Variants in GFPT2 observed in about 807,000 individuals in gnomAD.
GFPT2 encodes glutamine--fructose-6-phosphate transaminase 2, also known as glutamine--fructose-6-phosphate aminotransferase [isomerizing] 2.
GFPT2 carries 62 observed loss-of-function variants against 85.6 expected under a neutral mutation model. The observed-to-expected ratio is 0.72, with a 90% CI of 0.59 to 0.90. The LOEUF (loss-of-function observed/expected upper bound fraction) is 0.90, where lower values mean the gene tolerates loss of function less well. GFPT2 is among the 40% of genes least tolerant of loss of function. The pLI, the probability that GFPT2 is intolerant of heterozygous loss-of-function variation, is 0.00. For synonymous variants in GFPT2, 368 were observed against 344.5 expected (o/e 1.07, Z -0.75); for missense variants, 788 against 893.4 (o/e 0.88, Z 1.50).
chr5:180,340,310 G>A (rs1402594281), intron 1 of GFPT2, among the ~76,000 whole-genome samples: 3 of 149,624 alleles, frequency 2.0e-5, no homozygotes, highest in Non-Finnish European at 3.0e-5. Context: ...GGGTTCAAGC[G>A]ATTCTCTTGC....
chr5:180,348,042 T>C (rs1212691695), intron 1 of GFPT2, among the ~76,000 whole-genome samples: 1 of 152,110 alleles, frequency 6.6e-6, no homozygotes, highest in Admixed American at 6.6e-5. Flanking sequence ...AGGTTGGCTC[T>C]GGAAGCTATG....
chr5:180,335,285 G>A (rs1009319830), intron 4 of GFPT2, among the ~76,000 whole-genome samples: 2 of 152,162 alleles, frequency 1.3e-5, no homozygotes, highest in Non-Finnish European at 2.9e-5. Context: ...TTCGGGCTGC[G>A]GCCCCTACTT....
At chr5:180,317,499 C>T (rs187618382) in intron 10 of GFPT2, among the ~76,000 whole-genome samples, 5 of 151,664 alleles carry the variant, frequency 3.3e-5, no homozygotes, top group Admixed American at 3.3e-4. Flanking sequence ...GTGGCTCACG[C>T]CTGTAATCCC....
intron 4 of GFPT2, among the ~76,000 whole-genome samples, chr5:180,334,922 C>T (rs1764367416): frequency 6.6e-6 from 1 of 152,234 alleles, no homozygotes; most frequent in Admixed American, 6.5e-5. Flanking sequence ...CCACCAGGAG[C>T]TGCAGACCTA....
chr5:180,350,256 C>T (rs1449567094), intron 1 of GFPT2, among the ~76,000 whole-genome samples: 1 of 152,206 alleles, frequency 6.6e-6, no homozygotes, highest in African/African-American at 2.4e-5. Context: ...GAAATAAGGA[C>T]TCCAGGTTGC....
rs562572910 is a variant in GFPT2 at position 180,310,341 on chromosome 5, G to T, written c.1546+2089C>A. 4.6e-3 allele frequency among the ~76,000 whole-genome samples: 700 copies of T among 151,974 alleles called. 2 individuals are homozygous for T. The highest frequency in any genetic ancestry group is 0.01 in the Middle Eastern group (3 of 294). The stretch of plus-strand genomic sequence containing the variant: ...TGGTCTCGAACTCCTGACCTCAGGC[G>T]ATCTGCCCACCTCGGCCTCCCAAAG... On this transcript the variant is annotated intron_variant, in intron 15 of 18. Transcript: ENST00000253778.
At chr5:180,351,468 A>G (rs1764709369) in intron 1 of GFPT2, among the ~76,000 whole-genome samples, 2 of 152,150 alleles carry the variant, frequency 1.3e-5, no homozygotes, top group Non-Finnish European at 2.9e-5. Flanking sequence ...AATTCTGAGA[A>G]GGCACCTAAG....
intron 15 of GFPT2, among the ~76,000 whole-genome samples, chr5:180,307,839 G>A (rs932170720): frequency 2.0e-5 from 3 of 152,242 alleles, no homozygotes; most frequent in Non-Finnish European, 4.4e-5. Flanking sequence ...AGGACCAGGC[G>A]TGGTGGCTCA....
At position 180,353,274 on chromosome 5, in the gene GFPT2, GGGGCTCCTCCGTGGGCTCCTCCGT is replaced by G. The variant is rs1443457163; in HGVS notation, c.-81_-58del. 5.7e-6 allele frequency: 7 copies of G among 1,231,714 alleles called. No individual in the cohort carries two copies. The highest frequency in any genetic ancestry group is 4.2e-5 in the Admixed American group (1 of 23,674). 76.3% of individuals were successfully genotyped at this position (1,231,714 alleles called of 1,614,324 possible). On this transcript the variant is annotated 5_prime_UTR_variant, in exon 1 of 19. Coordinates refer to ENST00000253778, the MANE Select transcript of GFPT2 (RefSeq NM_005110.4). ...GAGGGGGTCTGCCCGTTCGGACGCT[GGGGCTCCTCCGTGGGCTCCTCCGT>G]GGGCTCCGTGGGCTCCGTGGGCTCC...
intron 9 of GFPT2, among the ~76,000 whole-genome samples, chr5:180,320,982 A>G (rs2042225): frequency 7.1e-5 from 9 of 126,992 alleles, no homozygotes; most frequent in Admixed American, 2.4e-4. Flanking sequence ...GTATAAAAGT[A>G]TACAAATAAC....
At position 180,330,630 on chromosome 5, in the gene GFPT2, G is replaced by T; in HGVS notation, c.534+70C>A. 7.6e-7 allele frequency: 1 copy of T among 1,307,582 alleles called. No homozygotes were observed. The highest frequency in any genetic ancestry group is 1.1e-6 in the Non-Finnish European group (1 of 915,866). The allele number at this position is 1,307,582 out of a possible 1,614,324, so 81.0% of individuals were successfully genotyped here. A position where few individuals can be genotyped will look rare whatever the true frequency, so the allele number is the denominator to read the frequency against. ...AAAAATGAAGGATTCCTTGGCACTT[G>T]CTGCTTGAAAAAAATGTTTTTAATG... On this transcript the variant is annotated intron_variant, in intron 6 of 18. Transcript: ENST00000253778. The surrounding 1 kb of genome is among the most constrained non-coding windows in gnomAD (Gnocchi z 4.4).
chr5:180,302,204 T>C (rs1452443213), intron 18 of GFPT2, among the ~76,000 whole-genome samples: 8 of 151,384 alleles, frequency 5.3e-5, no homozygotes, highest in East Asian at 2.0e-4. Flanking sequence ...GGAGAATCGC[T>C]TGAACCCAGG....
intron 7 of GFPT2, among the ~76,000 whole-genome samples, chr5:180,326,745 C>T (rs1764217466): frequency 1.3e-5 from 2 of 152,176 alleles, no homozygotes; most frequent in South Asian, 2.1e-4. Flanking sequence ...ATGACTCCCC[C>T]AAATTTTATT....
chr5:180,311,388 A>AT (rs1314165641), intron 15 of GFPT2, among the ~76,000 whole-genome samples: 1 of 152,200 alleles, frequency 6.6e-6, no homozygotes, highest in East Asian at 1.9e-4. Context: ...GGTTCTTAAT[A>AT]TATGTGGTGG....
chr5:180,306,160 T>C (rs1763773722), intron 16 of GFPT2, among the ~76,000 whole-genome samples: 1 of 152,074 alleles, frequency 6.6e-6, no homozygotes, highest in Non-Finnish European at 1.5e-5. Flanking sequence ...AGTTTTTGAA[T>C]TTTTGGTAGA....
rs777589155 is a variant in GFPT2 at position 180,313,843 on chromosome 5, G to T, written c.1395C>A (p.Ile465=). 5.0e-6 allele frequency: 8 copies of T among 1,591,752 alleles called. No individual in the cohort carries two copies. The Admixed American group carries it at 6.8e-5, about 14-fold the overall frequency. The change falls in exon 14 of 19, where the codon ATC becomes ATA. Residue 465 remains isoleucine (I), a synonymous_variant. Coordinates refer to ENST00000253778, the MANE Select transcript of GFPT2 (RefSeq NM_005110.4). The part of the protein sequence containing the change: ...ISRETDCGVH[I]NAGPEIGVAS... ...CCACGCCGATCTCCGGCCCTGCGTT[G>T]ATGTGGACGCCGCAGTCGGTCTCGC...
chr5:180,322,105 G>A (rs1764133390), intron 9 of GFPT2, among the ~76,000 whole-genome samples: 2 of 152,150 alleles, frequency 1.3e-5, no homozygotes, highest in African/African-American at 4.8e-5. Flanking sequence ...CTTAATTACA[G>A]CACAGAATTC....
At chr5:180,351,929 G>T (rs1180100884) in intron 1 of GFPT2, among the ~76,000 whole-genome samples, 1 of 152,220 alleles carries the variant, frequency 6.6e-6, no homozygotes, top group Non-Finnish European at 1.5e-5. Flanking sequence ...CAAGGGTCTT[G>T]AATGCTACAC....
At chr5:180,338,451 G>A in intron 2 of GFPT2, 42 bp downstream of exon 2, 1 of 1,115,170 alleles carries the variant, frequency 9.0e-7, no homozygotes, top group South Asian at 1.3e-5. Context: ...CACAGCAGCG[G>A]AGCCCGGTCC....
Sources: allele counts gnomAD v4.1 joint callset (sites outside exome capture counted in the v4.1 genomes callset), GRCh38; gene constraint gnomAD v4.1.1; non-coding constraint Gnocchi (gnomAD v3.1); transcripts MANE v1.5; gene names NCBI Gene and HGNC (gene_info 2026-07-23, HGNC 2026-07-21).